Variants in KLHL1 observed in about 807,000 individuals in gnomAD.
KLHL1 encodes the protein kelch-like protein 1.
Under a neutral mutation model 77.7 loss-of-function variants are expected in KLHL1, and 47 were observed. The ratio of observed to expected loss-of-function variants is 0.60; its 90% CI spans 0.48 to 0.77. KLHL1 has a LOEUF of 0.77. KLHL1 is among the 30% of genes least tolerant of loss of function. The probability of loss-of-function intolerance (pLI) is 0.00; values close to 1 mark genes in which losing one functional copy is unlikely to be tolerated. For synonymous variants in KLHL1, 360 were observed against 325.2 expected (o/e 1.11, Z -1.15); for missense variants, 925 against 910.8 (o/e 1.02, Z -0.20).
intron 4 of KLHL1, among the ~76,000 whole-genome samples, chr13:69,929,530 T>G (rs1882929339): frequency 6.6e-6 from 1 of 151,996 alleles, no homozygotes; most frequent in South Asian, 2.1e-4. Flanking sequence ...GTGTACCTAG[T>G]TGGAATTACT....
Position 70,107,740 on chromosome 13 carries a change from G to T in KLHL1, c.-41C>A. ...GGCAAAAGGCTGGCAGCTCACGCAG[G>T]AGTAGGCTGGTCAGCAGGTGGGGGA... On this transcript the variant is annotated 5_prime_UTR_variant, in exon 1 of 11. Transcript: ENST00000377844. 3.4e-6 allele frequency: 5 copies of T among 1,461,034 alleles called. No homozygotes were observed. Among genetic ancestry groups the T allele is most frequent in the Non-Finnish European group, 4.5e-6 (5 of 1,102,978 alleles). 90.5% of individuals were successfully genotyped at this position (1,461,034 alleles called of 1,614,324 possible).
chr13:69,997,682 T>TTATA (rs35239507), intron 1 of KLHL1, among the ~76,000 whole-genome samples: 22 of 146,160 alleles, frequency 1.5e-4, no homozygotes, highest in Non-Finnish European at 2.5e-4. Context: ...ATAATATTAC[T>TTATA]TATATATATA....
chr13:69,886,820 T>C (rs1302695049), intron 4 of KLHL1, among the ~76,000 whole-genome samples: 1 of 152,180 alleles, frequency 6.6e-6, no homozygotes, highest in Non-Finnish European at 1.5e-5. Context: ...CTGTGACCAT[T>C]AGTCAATTAC....
chr13:69,963,817 A>G (rs1884137429), intron 2 of KLHL1, among the ~76,000 whole-genome samples: 1 of 152,092 alleles, frequency 6.6e-6, no homozygotes, highest in Non-Finnish European at 1.5e-5. Context: ...TTAAGCTGGT[A>G]TCAATATTGG....
intron 4 of KLHL1, among the ~76,000 whole-genome samples, chr13:69,908,972 A>G (rs970989590): frequency 5.4e-4 from 81 of 149,844 alleles, no homozygotes; most frequent in African/African-American, 1.8e-3. Flanking sequence ...ATTTAATATT[A>G]CTTATATAAT....
At chr13:69,771,716 GC>G (rs1332411940) in intron 7 of KLHL1, among the ~76,000 whole-genome samples, 1 of 152,004 alleles carries the variant, frequency 6.6e-6, no homozygotes, top group South Asian at 2.1e-4. Context: ...AGATTTGGGG[GC>G]TTCTTCATTG....
intron 1 of KLHL1, among the ~76,000 whole-genome samples, chr13:70,021,464 T>C (rs956142652): frequency 9.9e-5 from 15 of 152,118 alleles, no homozygotes; most frequent in Admixed American, 8.5e-4. Flanking sequence ...ATAAAGCTGC[T>C]ATAAACATAC....
chr13:69,776,606 T>G lies in KLHL1; in HGVS notation c.1639+20132A>C, dbSNP rs1875839512. On this transcript the variant is annotated intron_variant, in intron 7 of 10. Transcript: ENST00000377844. ...GGCAACTATTAGGGCTGAGAAATTT[T>G]CTATTAAATGTAAGTTTAGCATGCA... Among the ~76,000 whole-genome samples the G allele has an allele frequency of 1.3e-5, 2 of 152,236 alleles. 1 individual carries two copies. The highest frequency in any genetic ancestry group is 4.1e-4 in the South Asian group (2 of 4,836).
intron 5 of KLHL1, among the ~76,000 whole-genome samples, chr13:69,859,068 T>G (rs139473263): frequency 3.0e-4 from 46 of 152,126 alleles, no homozygotes; most frequent in African/African-American, 1.0e-3. Context: ...ATTCAACACA[T>G]CAAAGCACTG....
At chr13:69,703,322 GA>G (rs1437802867) in intron 10 of KLHL1, among the ~76,000 whole-genome samples, 2 of 150,890 alleles carry the variant, frequency 1.3e-5, no homozygotes, top group Non-Finnish European at 3.0e-5. Flanking sequence ...TTTGAAAATG[GA>G]AAAAAGCTCA....
chr13:69,840,009 A>T (rs928855933), intron 5 of KLHL1, among the ~76,000 whole-genome samples: 2 of 152,042 alleles, frequency 1.3e-5, no homozygotes, highest in African/African-American at 4.8e-5. Context: ...ATAAATAAGT[A>T]GAAAATTTAG....
intron 2 of KLHL1, among the ~76,000 whole-genome samples, chr13:69,966,988 T>C (rs1173794069): frequency 1.3e-5 from 2 of 152,170 alleles, no homozygotes; most frequent in African/African-American, 4.8e-5. Flanking sequence ...ATCTATATCA[T>C]ATTTTATTTA....
At chr13:69,745,393 A>G (rs1014546976) in intron 7 of KLHL1, among the ~76,000 whole-genome samples, 1 of 152,038 alleles carries the variant, frequency 6.6e-6, no homozygotes, top group African/African-American at 2.4e-5. Flanking sequence ...TAAAAAGTAT[A>G]CTTATTAATT....
At chr13:69,780,798 T>G (rs1178975699) in intron 7 of KLHL1, among the ~76,000 whole-genome samples, 1 of 146,074 alleles carries the variant, frequency 6.8e-6, no homozygotes, top group African/African-American at 2.5e-5. Context: ...TAAGAAATAT[T>G]ACTTCAAGTA....
chr13:70,017,800 G>T (rs997128344), intron 1 of KLHL1, among the ~76,000 whole-genome samples: 1 of 152,200 alleles, frequency 6.6e-6, no homozygotes, highest in African/African-American at 2.4e-5. Context: ...ATTATGTAGA[G>T]CTTAAGTGAA....
chr13:69,774,673 C>T (rs199574323), intron 7 of KLHL1, among the ~76,000 whole-genome samples: 1 of 86,032 alleles, frequency 1.2e-5, no homozygotes, highest in Non-Finnish European at 2.6e-5. Flanking sequence ...TAAAAAAAAA[C>T]ACACACACAC....
intron 1 of KLHL1, among the ~76,000 whole-genome samples, chr13:70,036,888 G>A (rs1038134923): frequency 5.0e-5 from 3 of 59,904 alleles, no homozygotes; most frequent in South Asian, 5.2e-4. Context: ...CTAAGCATTC[G>A]ATTTCTGTTC....
chr13:70,094,760 C>T (rs1887748475), intron 1 of KLHL1, among the ~76,000 whole-genome samples: 1 of 151,992 alleles, frequency 6.6e-6, no homozygotes, highest in Non-Finnish European at 1.5e-5. Context: ...CTATTGATAC[C>T]CATCACATCT....
intron 2 of KLHL1, among the ~76,000 whole-genome samples, chr13:69,972,291 A>G (rs1884405361): frequency 6.6e-6 from 1 of 151,972 alleles, no homozygotes; most frequent in African/African-American, 2.4e-5. Context: ...ATACTAGTGC[A>G]CTATAAAGAA....
Sources: gnomAD v4.1 joint callset for allele counts (sites outside exome capture counted in the v4.1 genomes callset) on GRCh38, gnomAD v4.1.1 for gene constraint, MANE v1.5 for transcripts, NCBI Gene and HGNC (gene_info 2026-07-23, HGNC 2026-07-21) for gene names.